Variants in SUFU observed in about 807,000 individuals in gnomAD.
The protein encoded by SUFU is suppressor of fused homolog.
Under a neutral mutation model 58.9 loss-of-function variants are expected in SUFU, and 7 were observed. The observed-to-expected ratio is 0.12, with a 90% CI of 0.07 to 0.22. SUFU has a LOEUF of 0.22. Ranked by LOEUF, SUFU falls within the 10% of genes least tolerant of loss-of-function variation. SUFU has a pLI of 1.00. For synonymous variants in SUFU, 232 were observed against 254.8 expected, an observed-to-expected ratio of 0.91 and a Z score of 0.85; for missense variants, 451 against 641.3, an observed-to-expected ratio of 0.70 and a Z score of 3.20.
rs981282262 is a variant in SUFU at position 102,594,199 on chromosome 10, G to A, written c.756+134G>A. The A allele has an allele frequency of 6.7e-6, 6 of 900,708 alleles. No homozygotes were observed. In the Admixed American group the frequency reaches 1.2e-4, roughly 18 times the overall value. The allele number at this position is 900,708 out of a possible 1,614,324, so 55.8% of individuals were successfully genotyped here. On this transcript the variant is annotated intron_variant, in intron 6 of 11. Coordinates refer to ENST00000369902, the MANE Select transcript of SUFU (RefSeq NM_016169.4). ...AGAAATATGGCATCACTTGGAACTT[G>A]TCCCCTGAATTCTGCAGAGCACGTA...
rs2063848988 is a variant in SUFU at position 102,632,849 on chromosome 10, G to C, written c.*2694G>C. 1 of 233,444 alleles carries C rather than the reference G, an allele frequency of 4.3e-6. No individual in the cohort carries two copies. 14.5% of individuals were successfully genotyped at this position (233,444 alleles called of 1,614,324 possible). A position where few individuals can be genotyped will look rare whatever the true frequency, so the allele number is the denominator to read the frequency against. ...TCCTGTGGCTCTGCTGGCTCAGTGTGGGCTGCAGGAGGACTGCAGACTCAG... is the reference window on the plus strand; with the variant it reads ...TCCTGTGGCTCTGCTGGCTCAGTGTCGGCTGCAGGAGGACTGCAGACTCAG... On this transcript the variant is annotated 3_prime_UTR_variant, in exon 12 of 12. Transcript: ENST00000369902.
chr10:102,601,471 C>T (rs560021875), intron 8 of SUFU, among the ~76,000 whole-genome samples: 3 of 152,246 alleles, frequency 2.0e-5, no homozygotes, highest in South Asian at 2.1e-4. Flanking sequence ...TTCGAGGTGC[C>T]GGGGTTGTCT....
intron 3 of SUFU, among the ~76,000 whole-genome samples, chr10:102,574,792 G>A (rs1273735648): frequency 6.6e-6 from 1 of 152,104 alleles, no homozygotes; most frequent in African/African-American, 2.4e-5. Flanking sequence ...CGGGCACAGT[G>A]GCTCCTGTAA....
intron 5 of SUFU, 105 bp downstream of exon 5, chr10:102,593,826 C>G: frequency 7.1e-7 from 1 of 1,415,356 alleles, no homozygotes; most frequent in Non-Finnish European, 9.9e-7. Context: ...ATTTCAGACC[C>G]TGGTTTTTCA....
intron 9 of SUFU, among the ~76,000 whole-genome samples, chr10:102,615,627 C>A (rs1423294791): frequency 6.6e-6 from 1 of 152,226 alleles, no homozygotes; most frequent in Non-Finnish European, 1.5e-5. Flanking sequence ...GGGAGGAGAG[C>A]TACTCCACAT....
chr10:102,620,164 G>C (rs545826225), intron 10 of SUFU, among the ~76,000 whole-genome samples: 87 of 152,302 alleles, frequency 5.7e-4, no homozygotes, highest in African/African-American at 2.1e-3. Context: ...GAAATGGAGG[G>C]GCTGGGATGA....
In SUFU at chr10:102,593,713, A is replaced by C; in HGVS notation, c.675A>C (p.Thr225=). The C allele has an allele frequency of 1.9e-6, 3 of 1,614,206 alleles. No homozygotes were observed. The highest frequency in any genetic ancestry group is 2.5e-6 in the Non-Finnish European group (3 of 1,180,018). Residue 225 remains threonine (T), a synonymous_variant, in exon 5 of 12, where the codon ACA becomes ACC. Transcript: ENST00000369902. The part of the protein sequence containing the change: ...NGQGILELLR[T]VPIAGGPWLI... ...AGGGCATCCTGGAGCTGCTGCGGAC[A>C]GTGCCTATGTGAGTACCCATGCAAG...
intron 3 of SUFU, among the ~76,000 whole-genome samples, chr10:102,588,299 A>T (rs1314354493): frequency 6.6e-6 from 1 of 151,714 alleles, no homozygotes; most frequent in Non-Finnish European, 1.5e-5. Context: ...AGGCTGAGGC[A>T]GGAGAACGGC....
At chr10:102,612,157 A>G (rs1262629381) in intron 8 of SUFU, among the ~76,000 whole-genome samples, 1 of 151,264 alleles carries the variant, frequency 6.6e-6, no homozygotes, top group Non-Finnish European at 1.5e-5. Context: ...AAATCAGCAG[A>G]AAACTGGGTT....
At chr10:102,525,811 A>G (rs1341741507) in intron 2 of SUFU, among the ~76,000 whole-genome samples, 2 of 152,188 alleles carry the variant, frequency 1.3e-5, no homozygotes, top group Non-Finnish European at 2.9e-5. Context: ...GCCTATTTTC[A>G]TAAATTTTTA....
At chr10:102,525,534 G>A (rs867477721) in intron 2 of SUFU, among the ~76,000 whole-genome samples, 13 of 152,118 alleles carry the variant, frequency 8.5e-5, no homozygotes, top group South Asian at 8.3e-4. Context: ...TTGCTCTGTC[G>A]CCCAGGCTGG....
intron 3 of SUFU, among the ~76,000 whole-genome samples, chr10:102,569,405 C>T (rs61871133): frequency 0.018 from 2,738 of 152,268 alleles, 50 homozygotes; most frequent in Middle Eastern, 0.051. Context: ...CGTATTCCAA[C>T]ATTAAGGAAG....
At chr10:102,538,430 C>A (rs1225295194) in intron 2 of SUFU, among the ~76,000 whole-genome samples, 1 of 152,056 alleles carries the variant, frequency 6.6e-6, no homozygotes, top group African/African-American at 2.4e-5. Context: ...ATCACTGACA[C>A]TAAGATCTAC....
rs1188593672 is a variant in SUFU, at chr10:102,549,970, G to T, written c.318G>T (p.Glu106Asp). The T allele has an allele frequency of 6.2e-7, 1 of 1,614,036 alleles. No individual in the cohort carries two copies. The highest frequency in any genetic ancestry group is 8.5e-7 in the Non-Finnish European group (1 of 1,180,032). The change falls in exon 3 of 12, where the codon GAG (glutamate) becomes GAT (aspartate). Residue 106 changes from glutamate (E) to aspartate (D), a missense_variant and splice_region_variant. By Grantham distance (45) the Glu-to-Asp change is conservative. Transcript: ENST00000369902. The part of the protein sequence containing the change: ...SDLYGDNRVH[E>D]FTGTDGPSGF... ...AACACTTGCTTTTTATGTCTTTCAG[G>T]TTTACAGGAACAGATGGACCTAGTG...
intron 9 of SUFU, 107 bp downstream of exon 9, chr10:102,615,509 G>A: frequency 6.5e-7 from 1 of 1,545,064 alleles, no homozygotes; most frequent in Non-Finnish European, 8.9e-7. Context: ...GCGTCCTCCA[G>A]GGCCTCCAAG....
intron 8 of SUFU, among the ~76,000 whole-genome samples, chr10:102,614,092 C>A (rs1028896805): frequency 6.6e-6 from 1 of 152,188 alleles, no homozygotes; most frequent in Non-Finnish European, 1.5e-5. Context: ...TGGCTGTTGG[C>A]GGAATGTGCA....
chr10:102,527,687 C>T (rs2062627443), intron 2 of SUFU, among the ~76,000 whole-genome samples: 1 of 152,146 alleles, frequency 6.6e-6, no homozygotes, highest in Admixed American at 6.5e-5. Context: ...TAGCATTGCT[C>T]AGCCATGACA....
At chr10:102,504,459 C>T in intron 1 of SUFU, 125 bp downstream of exon 1, 1 of 1,512,500 alleles carries the variant, frequency 6.6e-7, no homozygotes, top group Non-Finnish European at 8.9e-7. Context: ...AGAAGGAGGG[C>T]TTCTTGCTGC....
chr10:102,541,697 C>CTT (rs869264798), intron 2 of SUFU, among the ~76,000 whole-genome samples: 11,204 of 56,012 alleles, frequency 0.2, 1,387 homozygotes, highest in Non-Finnish European at 0.21. Context: ...CCGCGCCCGG[C>CTT]TTTTTTTTTT....
Sources: gnomAD v4.1 joint callset for allele counts (sites outside exome capture counted in the v4.1 genomes callset) on GRCh38, gnomAD v4.1.1 for gene constraint, MANE v1.5 for transcripts, NCBI Gene and HGNC (gene_info 2026-07-23, HGNC 2026-07-21) for gene names.